Variants in RSPO3 observed in about 807,000 individuals in gnomAD.
RSPO3 encodes R-spondin 3, also known as R-spondin-3.
Under a neutral mutation model 36.5 loss-of-function variants are expected in RSPO3, and 17 were observed. The observed-to-expected ratio is 0.47, with a 90% CI of 0.32 to 0.70. The LOEUF (loss-of-function observed/expected upper bound fraction) is 0.70, where lower values mean the gene tolerates loss of function less well. Among genes scored for constraint, RSPO3 ranks in the 30% least tolerant of loss-of-function variants. RSPO3 has a pLI of 0.04. For synonymous variants in RSPO3, 108 were observed against 107.0 expected (o/e 1.01, Z -0.06); for missense variants, 294 against 322.5 (o/e 0.91, Z 0.68).
At chr6:127,119,395 T>G (rs1773788360) in intron 1 of RSPO3, 106 bp downstream of exon 1, 3 of 809,598 alleles carry the variant, frequency 3.7e-6, no homozygotes, top group Non-Finnish European at 6.3e-6. Flanking sequence ...CCTCCCGCCC[T>G]GCGCCTCGCA....
intron 4 of RSPO3, among the ~76,000 whole-genome samples, chr6:127,174,667 TAA>T (rs1775013093): frequency 6.6e-6 from 1 of 151,838 alleles, no homozygotes; most frequent in African/African-American, 2.4e-5. Flanking sequence ...CTCAAAGATT[TAA>T]GTGTATGTGT....
intron 1 of RSPO3, among the ~76,000 whole-genome samples, chr6:127,140,445 A>G (rs1360204110): frequency 1.3e-5 from 2 of 152,208 alleles, no homozygotes; most frequent in Non-Finnish European, 2.9e-5. Flanking sequence ...GATAGTCCCA[A>G]GAGCAAAACA....
chr6:127,143,576 T>C (rs888643894), intron 1 of RSPO3, among the ~76,000 whole-genome samples: 1 of 152,200 alleles, frequency 6.6e-6, no homozygotes, highest in African/African-American at 2.4e-5. Flanking sequence ...CTTTTATGTA[T>C]CTGGCACTTC....
chr6:127,150,583 C>A lies in RSPO3; in HGVS notation c.436+11C>A, dbSNP rs375562184. ...AGTGTGTCAGTATTGGTAAGGAGAA[C>A]CTGTAATAATTTGAGTAAGTGATAA... On this transcript the variant is annotated intron_variant, in intron 3 of 4. Coordinates refer to ENST00000356698, the MANE Select transcript of RSPO3 (RefSeq NM_032784.5). 19 of 1,599,442 alleles carry A rather than the reference C, an allele frequency of 1.2e-5. No individual in the cohort carries two copies. The South Asian group carries it at 2.2e-4, about 18-fold the overall frequency.
At position 127,197,412 on chromosome 6, in the gene RSPO3, G is replaced by C; in HGVS notation, c.*1405G>C. 1 of 1,550,166 alleles carries C rather than the reference G, an allele frequency of 6.5e-7. No individual in the cohort carries two copies. Among genetic ancestry groups the C allele is most frequent in the Non-Finnish European group, 8.7e-7 (1 of 1,146,854 alleles). On this transcript the variant is annotated 3_prime_UTR_variant, in exon 5 of 5. Coordinates refer to ENST00000356698, the MANE Select transcript of RSPO3 (RefSeq NM_032784.5). Reference sequence around the variant, plus strand: ...CTTTTCTTCTCCATATTTTCTATCTGTGGATCTCTTTAGGGGATTGAAGTC... The same window carrying C: ...CTTTTCTTCTCCATATTTTCTATCTCTGGATCTCTTTAGGGGATTGAAGTC...
chr6:127,158,734 G>T (rs1021609735), intron 4 of RSPO3, among the ~76,000 whole-genome samples: 3 of 152,002 alleles, frequency 2.0e-5, no homozygotes, highest in Admixed American at 6.6e-5. Context: ...AACCCAAGGA[G>T]ATAAATTTAA....
chr6:127,168,374 AT>A lies in RSPO3; in HGVS notation c.634+12937del, dbSNP rs1192037804. On this transcript the variant is annotated intron_variant, in intron 4 of 4. Coordinates refer to ENST00000356698, the MANE Select transcript of RSPO3 (RefSeq NM_032784.5). ...GCCAGTGATGATGAGCATTTTTTTC[AT>A]GTGTCTGTTGGCGCATAAATGTCTT... Among the ~76,000 whole-genome samples, 3 of 132,574 alleles carry A rather than the reference AT, an allele frequency of 2.3e-5. No individual in the cohort carries two copies. In the South Asian group the frequency reaches 7.5e-4, roughly 33 times the overall value. The allele number at this position is 132,574 out of a possible 152,430, so 87.0% of individuals were successfully genotyped here. A position where few individuals can be genotyped will look rare whatever the true frequency, so the allele number is the denominator to read the frequency against.
At chr6:127,142,729 T>C (rs975721903) in intron 1 of RSPO3, among the ~76,000 whole-genome samples, 5 of 152,220 alleles carry the variant, frequency 3.3e-5, no homozygotes, top group African/African-American at 7.2e-5. Flanking sequence ...TAAATTGTTA[T>C]AGATACTTTC....
At chr6:127,167,749 A>C (rs891078294) in intron 4 of RSPO3, among the ~76,000 whole-genome samples, 1 of 151,834 alleles carries the variant, frequency 6.6e-6, no homozygotes, top group African/African-American at 2.4e-5. Flanking sequence ...TCCTAATGCT[A>C]TCCCTCCCCC....
chr6:127,178,192 CAT>C (rs1332759719), intron 4 of RSPO3, among the ~76,000 whole-genome samples: 2 of 151,662 alleles, frequency 1.3e-5, no homozygotes, highest in Non-Finnish European at 2.9e-5. Context: ...TAAGGGGAAA[CAT>C]ATTGTATTAT....
At chr6:127,139,195 C>G (rs1456856644) in intron 1 of RSPO3, among the ~76,000 whole-genome samples, 2 of 152,142 alleles carry the variant, frequency 1.3e-5, no homozygotes, top group East Asian at 1.9e-4. Flanking sequence ...TTTCCTTGCT[C>G]AGAATTTTGT....
intron 4 of RSPO3, among the ~76,000 whole-genome samples, chr6:127,177,835 G>T (rs1356370383): frequency 6.6e-6 from 1 of 151,554 alleles, no homozygotes; most frequent in Non-Finnish European, 1.5e-5. Context: ...TTCAGGGAAG[G>T]GAGTCAGAGA....
chr6:127,190,408 A>G (rs1775385012), intron 4 of RSPO3, among the ~76,000 whole-genome samples: 1 of 152,184 alleles, frequency 6.6e-6, no homozygotes, highest in Non-Finnish European at 1.5e-5. Context: ...AGCATGGGCA[A>G]AAAGAGCAAA....
At chr6:127,144,902 G>A (rs986570488) in intron 1 of RSPO3, among the ~76,000 whole-genome samples, 4 of 152,070 alleles carry the variant, frequency 2.6e-5, no homozygotes, top group African/African-American at 4.8e-5. Context: ...GATTAGAGGC[G>A]TGAGCCACCG....
chr6:127,169,725 T>G (rs1213226106), intron 4 of RSPO3, among the ~76,000 whole-genome samples: 1 of 151,884 alleles, frequency 6.6e-6, no homozygotes. Context: ...TCATAAGGCT[T>G]TATGGACACA....
At chr6:127,160,816 G>A (rs1774696131) in intron 4 of RSPO3, among the ~76,000 whole-genome samples, 1 of 152,092 alleles carries the variant, frequency 6.6e-6, no homozygotes, top group Non-Finnish European at 1.5e-5. Context: ...TGCCTCCAGA[G>A]TCAAGTCTCA....
chr6:127,136,020 C>T (rs752612998), intron 1 of RSPO3, among the ~76,000 whole-genome samples: 46 of 151,456 alleles, frequency 3.0e-4, no homozygotes, highest in Non-Finnish European at 6.2e-4. Flanking sequence ...GCATAAACCA[C>T]TCATGTTACT....
At chr6:127,137,830 CA>C (rs1446381220) in intron 1 of RSPO3, among the ~76,000 whole-genome samples, 4 of 152,052 alleles carry the variant, frequency 2.6e-5, no homozygotes, top group African/African-American at 9.7e-5. Flanking sequence ...TAATTTGCGG[CA>C]AAAAGTTTCT....
At chr6:127,128,992 C>G (rs1013822863) in intron 1 of RSPO3, among the ~76,000 whole-genome samples, 1 of 152,006 alleles carries the variant, frequency 6.6e-6, no homozygotes, top group Non-Finnish European at 1.5e-5. Context: ...TAATAATAAA[C>G]AACTGTTTTT....
Sources: gnomAD v4.1 joint callset for allele counts (sites outside exome capture counted in the v4.1 genomes callset) on GRCh38, gnomAD v4.1.1 for gene constraint, MANE v1.5 for transcripts, NCBI Gene and HGNC (gene_info 2026-07-23, HGNC 2026-07-21) for gene names.